Variants in FLACC1 observed in about 807,000 individuals in gnomAD.
The protein encoded by FLACC1 is flagellum associated containing coiled-coil domains 1.
In FLACC1, 66 loss-of-function variants were observed where a neutral mutation model predicts 62.8. The observed-to-expected ratio is 1.05, with a 90% CI of 0.86 to 1.29. FLACC1 has a LOEUF of 1.29. Among genes scored for constraint, FLACC1 ranks in the 50% most tolerant of loss-of-function variants. The pLI is 0.00. For synonymous variants in FLACC1, 156 were observed against 161.0 expected (o/e 0.97, Z 0.24); for missense variants, 452 against 489.1 (o/e 0.92, Z 0.71).
chr2:201,354,041 C>T (rs1951075411), intron 1 of FLACC1, among the ~76,000 whole-genome samples: 1 of 152,176 alleles, frequency 6.6e-6, no homozygotes, highest in African/African-American at 2.4e-5. Context: ...CACTGGAATA[C>T]ATTTGCTTAA....
In FLACC1 at chr2:201,343,094, T is replaced by C. The variant is rs115628849; in HGVS notation, c.463-663A>G. ...GCCAGGGACTGTGTCACACAACAAG[T>C]GGTCAGCAGAGCCACTCTGACAGAC... On this transcript the variant is annotated intron_variant, in intron 6 of 14. Transcript: ENST00000392257. Among the ~76,000 whole-genome samples the C allele has an allele frequency of 2.5e-3, 375 of 152,238 alleles. 1 individual carries two copies. Among genetic ancestry groups the C allele is most frequent in the African/African-American group, 8.4e-3 (350 of 41,534 alleles).
rs1045873347 is a variant in FLACC1 at position 201,297,589 on chromosome 2, T to C, written c.942+1649A>G. ...CTGATACTGCTCATGTCCAGTGAGG[T>C]GAAGCATTCCTTGGATTTGGCAACT... is the stretch of plus-strand genomic sequence containing the variant. On this transcript the variant is annotated intron_variant, in intron 12 of 14. Coordinates refer to ENST00000392257, the MANE Select transcript of FLACC1 (RefSeq NM_001127391.3). 9.2e-5 allele frequency among the ~76,000 whole-genome samples: 14 copies of C among 152,110 alleles called. 1 individual carries two copies. The highest frequency in any genetic ancestry group is 5.9e-4 in the Admixed American group (9 of 15,270).
intron 9 of FLACC1, among the ~76,000 whole-genome samples, chr2:201,325,619 G>A (rs753693518): frequency 6.6e-6 from 1 of 152,080 alleles, no homozygotes; most frequent in African/African-American, 2.4e-5. Flanking sequence ...ATTAAATCAG[G>A]AAGAAACAGA....
intron 12 of FLACC1, among the ~76,000 whole-genome samples, chr2:201,293,526 T>TG (rs1212763535): frequency 6.6e-6 from 1 of 152,182 alleles, no homozygotes; most frequent in Non-Finnish European, 1.5e-5. Context: ...TAAAGCAGTG[T>TG]GTAGGGGAAA....
chr2:201,321,181 G>A (rs1197852230), intron 9 of FLACC1, among the ~76,000 whole-genome samples: 1 of 152,196 alleles, frequency 6.6e-6, no homozygotes, highest in African/African-American at 2.4e-5. Flanking sequence ...CCACTGTTGG[G>A]AGACTTGAAG....
Position 201,309,254 on chromosome 2 carries a change from G to A in FLACC1, c.676-4C>T, listed in dbSNP as rs758858524. 67 of 1,608,468 alleles carry A rather than the reference G, an allele frequency of 4.2e-5. No homozygotes were observed. Among genetic ancestry groups the A allele is most frequent in the Non-Finnish European group, 5.5e-5 (65 of 1,175,208 alleles). On this transcript the variant is annotated splice_region_variant and splice_polypyrimidine_tract_variant and intron_variant, in intron 9 of 14. Transcript: ENST00000392257. ...CCATTTCATCATAAATACTGTCCTG[G>A]GGAGGTACAAAGGCACCATGAAGAA...
At chr2:201,360,447 C>T (rs1027869598), upstream of FLACC1, among the ~76,000 whole-genome samples, 20 of 152,182 alleles carry the variant, frequency 1.3e-4, no homozygotes, top group African/African-American at 3.4e-4. Flanking sequence ...TGGGAGCATT[C>T]GGAGGCTTTC....
chr2:201,318,862 A>G (rs1950349412), intron 9 of FLACC1, among the ~76,000 whole-genome samples: 1 of 152,212 alleles, frequency 6.6e-6, no homozygotes, highest in Non-Finnish European at 1.5e-5. Flanking sequence ...CAAACATCGT[A>G]TGTTCTCACT....
chr2:201,288,661 T>C lies in FLACC1; in HGVS notation c.1263A>G (p.Glu421=), dbSNP rs1174389600. The change falls in exon 15 of 15, where the codon GAA becomes GAG. Residue 421 remains glutamate (E), a synonymous_variant. Transcript: ENST00000392257. The part of the protein sequence containing the change: ...TVQDGSKKGQ[E]S ...ATGCAGAGCAACTTTTTGTTTATGA[T>C]TCTTGTCCTTTCTTGCTACCATCTT... 17 of 1,613,716 alleles carry C rather than the reference T, an allele frequency of 1.1e-5. No individual in the cohort carries two copies. Among genetic ancestry groups the C allele is most frequent in the Non-Finnish European group, 1.4e-5 (16 of 1,179,870 alleles).
intron 7 of FLACC1, 110 bp from the exon 8 acceptor site, chr2:201,330,943 C>A: frequency 3.6e-5 from 23 of 636,544 alleles, no homozygotes; most frequent in Non-Finnish European, 5.4e-5. Context: ...GTGAGGTTCT[C>A]ACTTTTTTAT....
chr2:201,351,204 C>A, intron 2 of FLACC1, 88 bp downstream of exon 2: 1 of 1,182,552 alleles, frequency 8.5e-7, no homozygotes. Flanking sequence ...TCCTGCCACA[C>A]TTGCTGTTTT....
chr2:201,331,733 C>A (rs532746470), intron 7 of FLACC1, among the ~76,000 whole-genome samples: 1 of 152,264 alleles, frequency 6.6e-6, no homozygotes, highest in African/African-American at 2.4e-5. Context: ...CAGAGCGAAG[C>A]AGATTTTTAG....
chr2:201,331,706 G>A (rs960981434), intron 7 of FLACC1, among the ~76,000 whole-genome samples: 27 of 152,344 alleles, frequency 1.8e-4, no homozygotes, highest in African/African-American at 6.5e-4. Context: ...TTAGGGATGG[G>A]AGGTAGGATG....
At chr2:201,341,432 C>T (rs142416142) in intron 7 of FLACC1, among the ~76,000 whole-genome samples, 1 of 149,026 alleles carries the variant, frequency 6.7e-6, no homozygotes, top group East Asian at 2.0e-4. Flanking sequence ...ATATGCATCT[C>T]TACTATAGTA....
At chr2:201,313,607 T>C (rs1436581531) in intron 9 of FLACC1, among the ~76,000 whole-genome samples, 2 of 152,106 alleles carry the variant, frequency 1.3e-5, no homozygotes, top group African/African-American at 4.8e-5. Flanking sequence ...TGCCCCAACC[T>C]GATGGTCCTT....
intron 3 of FLACC1, 99 bp from the exon 4 acceptor site, chr2:201,348,401 C>A: frequency 8.0e-7 from 1 of 1,255,898 alleles, no homozygotes; most frequent in Admixed American, 2.1e-5. Context: ...GACTTCTGCT[C>A]TCTGACCTGA....
intron 5 of FLACC1, among the ~76,000 whole-genome samples, chr2:201,345,094 A>G (rs1422305335): frequency 6.6e-6 from 1 of 152,260 alleles, no homozygotes; most frequent in Non-Finnish European, 1.5e-5. Context: ...ACAGGTTATC[A>G]TATTTTATTG....
Position 201,351,590 on chromosome 2 carries a change from C to T in FLACC1, c.-47-139G>A. ...CTGTTGATCTGGTGCAGGGTCTTGA[C>T]TATAGGTTAACAGCTCATCCCTTTC... On this transcript the variant is annotated intron_variant, in intron 1 of 14. Transcript: ENST00000392257. The T allele has an allele frequency of 6.7e-6, 4 of 592,828 alleles. 1 individual carries two copies. In the South Asian group the frequency reaches 8.2e-5, roughly 12 times the overall value. The allele number at this position is 592,828 out of a possible 1,614,324, so 36.7% of individuals were successfully genotyped here.
intron 7 of FLACC1, among the ~76,000 whole-genome samples, chr2:201,338,115 C>G (rs1287445827): frequency 9.2e-5 from 14 of 152,044 alleles, no homozygotes; most frequent in Non-Finnish European, 2.1e-4. Context: ...GGTCTTTCAC[C>G]TTTTTGGTTA....
Sources: allele counts gnomAD v4.1 joint callset (sites outside exome capture counted in the v4.1 genomes callset), GRCh38; gene constraint gnomAD v4.1.1; transcripts MANE v1.5; gene names NCBI Gene and HGNC (gene_info 2026-07-23, HGNC 2026-07-21).